GSK3B: variants seen among roughly 807,000 people sequenced by gnomAD.
GSK3B encodes the protein glycogen synthase kinase 3 beta.
A neutral mutation model predicts 56.4 loss-of-function variants in GSK3B; 15 were observed. The ratio of observed to expected loss-of-function variants is 0.27; its 90% CI spans 0.18 to 0.41. GSK3B has a LOEUF of 0.41. Among genes scored for constraint, GSK3B ranks in the 10% least tolerant of loss-of-function variants. The pLI, the probability that GSK3B is intolerant of heterozygous loss-of-function variation, is 1.00. For synonymous variants in GSK3B, 181 were observed against 188.9 expected, an observed-to-expected ratio of 0.96 and a Z score of 0.34; for missense variants, 300 against 513.4, an observed-to-expected ratio of 0.58 and a Z score of 4.02.
intron 7 of GSK3B, among the ~76,000 whole-genome samples, chr3:119,890,155 A>G (rs187211244): frequency 1.2e-3 from 180 of 152,204 alleles, no homozygotes; most frequent in African/African-American, 4.3e-3. Context: ...GAGAAATATA[A>G]ACATATGTCT....
chr3:120,081,049 G>GT (rs1039587158), intron 1 of GSK3B, among the ~76,000 whole-genome samples: 2 of 152,110 alleles, frequency 1.3e-5, no homozygotes, highest in African/African-American at 4.8e-5. Flanking sequence ...ATAAAATAAT[G>GT]TAAGGGGATA....
intron 1 of GSK3B, among the ~76,000 whole-genome samples, chr3:120,003,664 T>A (rs965565592): frequency 6.6e-6 from 1 of 152,230 alleles, no homozygotes; most frequent in African/African-American, 2.4e-5. Context: ...AGTGGAATAT[T>A]ATAACCAATA....
At chr3:120,040,667 GT>G (rs1292496351) in intron 1 of GSK3B, among the ~76,000 whole-genome samples, 1 of 151,948 alleles carries the variant, frequency 6.6e-6, no homozygotes, top group Non-Finnish European at 1.5e-5. Context: ...AACAAAGATA[GT>G]CCCCCCAATC....
intron 2 of GSK3B, among the ~76,000 whole-genome samples, chr3:119,975,203 T>C (rs891948182): frequency 1.3e-5 from 2 of 152,138 alleles, no homozygotes; most frequent in Non-Finnish European, 2.9e-5. Flanking sequence ...TCCCAGAACT[T>C]TGGAAGGCCG....
At chr3:120,066,202 A>C (rs1295612820) in intron 1 of GSK3B, among the ~76,000 whole-genome samples, 1 of 152,186 alleles carries the variant, frequency 6.6e-6, no homozygotes, top group Non-Finnish European at 1.5e-5. Context: ...CCACCAACCC[A>C]GAGCAACAAA....
intron 1 of GSK3B, among the ~76,000 whole-genome samples, chr3:120,087,556 A>G (rs2058475138): frequency 1.3e-5 from 2 of 151,990 alleles, no homozygotes; most frequent in Non-Finnish European, 2.9e-5. Flanking sequence ...TGTACTTTTT[A>G]TTACTGAATT....
At chr3:120,016,695 T>C (rs544909244) in intron 1 of GSK3B, among the ~76,000 whole-genome samples, 8 of 152,330 alleles carry the variant, frequency 5.3e-5, no homozygotes, top group South Asian at 2.1e-4. Context: ...CCAATTTTAA[T>C]TGACTCAATT....
chr3:119,892,861 T>C (rs773522588), intron 7 of GSK3B, among the ~76,000 whole-genome samples: 4 of 152,154 alleles, frequency 2.6e-5, no homozygotes, highest in Admixed American at 6.6e-5. Context: ...GGCTGCTATA[T>C]CCTCAAAAGG....
intron 2 of GSK3B, among the ~76,000 whole-genome samples, chr3:119,985,241 GC>G (rs1311489797): frequency 1.3e-5 from 2 of 152,124 alleles, no homozygotes; most frequent in African/African-American, 4.8e-5. Context: ...TACTGAATGG[GC>G]AAAAACTGGA....
At chr3:119,941,500 G>T (rs1167207250) in intron 3 of GSK3B, among the ~76,000 whole-genome samples, 1 of 152,184 alleles carries the variant, frequency 6.6e-6, no homozygotes, top group Middle Eastern at 3.2e-3. Flanking sequence ...CCATTTAGTA[G>T]TTGTATGGTA....
chr3:120,032,720 C>T (rs1490509079), intron 1 of GSK3B, among the ~76,000 whole-genome samples: 1 of 132,368 alleles, frequency 7.6e-6, no homozygotes, highest in East Asian at 2.2e-4. Flanking sequence ...CTGAACAGCA[C>T]TGATCTACAC....
At chr3:119,863,364 CA>C (rs1455938927) in intron 9 of GSK3B, 54 bp downstream of exon 9, 1 of 1,365,632 alleles carries the variant, frequency 7.3e-7, no homozygotes, top group African/African-American at 1.4e-5. Context: ...TGTCATTTCA[CA>C]CCCAGGGTGT....
chr3:119,839,799 G>C (rs2055746828), intron 10 of GSK3B, among the ~76,000 whole-genome samples: 1 of 152,096 alleles, frequency 6.6e-6, no homozygotes, highest in South Asian at 2.1e-4. Flanking sequence ...GATGTTATGT[G>C]CTCCATTACA....
chr3:119,931,248 C>A (rs924277013), intron 3 of GSK3B, among the ~76,000 whole-genome samples: 1 of 152,192 alleles, frequency 6.6e-6, no homozygotes. Context: ...CTCAGGTTTG[C>A]TATTTCCTTA....
chr3:120,004,191 G>A (rs2057704373), intron 1 of GSK3B, among the ~76,000 whole-genome samples: 1 of 152,194 alleles, frequency 6.6e-6, no homozygotes, highest in African/African-American at 2.4e-5. Context: ...GCTTGGTGGG[G>A]GGAGGGGCGT....
chr3:119,934,197 G>A (rs1301373188), intron 3 of GSK3B, among the ~76,000 whole-genome samples: 1 of 152,096 alleles, frequency 6.6e-6, no homozygotes, highest in Non-Finnish European at 1.5e-5. Flanking sequence ...GAAAGAGTGG[G>A]GAAAAGAGTA....
intron 9 of GSK3B, among the ~76,000 whole-genome samples, chr3:119,857,866 C>T (rs970970506): frequency 2.6e-5 from 4 of 152,200 alleles, no homozygotes; most frequent in Non-Finnish European, 5.9e-5. Context: ...GATCCATGGG[C>T]TGCAGAAATG....
rs2055455077 is a variant in GSK3B at position 119,823,903 on chromosome 3, T to G, written c.*2885A>C. The G allele has an allele frequency of 5.1e-6, 1 of 197,628 alleles. No individual in the cohort carries two copies. The highest frequency in any genetic ancestry group is 6.0e-5 in the Admixed American group (1 of 16,532). 12.2% of individuals were successfully genotyped at this position (197,628 alleles called of 1,614,324 possible). On this transcript the variant is annotated 3_prime_UTR_variant, in exon 11 of 11. Transcript: ENST00000264235. ...ATGGATAAAGGAAACCAATTAAAAT[T>G]TAAAAAAGAACAAATTAAAAAAAAA...
At chr3:120,027,736 T>C (rs890336455) in intron 1 of GSK3B, among the ~76,000 whole-genome samples, 1 of 152,200 alleles carries the variant, frequency 6.6e-6, no homozygotes, top group Non-Finnish European at 1.5e-5. Flanking sequence ...GATCCCAATT[T>C]TGAAAACAAA....
Sources: allele counts gnomAD v4.1 joint callset (sites outside exome capture counted in the v4.1 genomes callset), GRCh38; gene constraint gnomAD v4.1.1; transcripts MANE v1.5; gene names NCBI Gene and HGNC (gene_info 2026-07-23, HGNC 2026-07-21).